Variants in ASTN2 observed in about 807,000 individuals in gnomAD.
ASTN2 encodes the protein astrotactin 2.
A neutral mutation model predicts 139.8 loss-of-function variants in ASTN2; 54 were observed. That is an observed-to-expected ratio of 0.39 (90% CI 0.31 to 0.48). The LOEUF (loss-of-function observed/expected upper bound fraction) is 0.48, where lower values mean the gene tolerates loss of function less well. Among genes scored for constraint, ASTN2 ranks in the 20% least tolerant of loss-of-function variants. The probability of loss-of-function intolerance (pLI) is 0.95; values close to 1 mark genes in which losing one functional copy is unlikely to be tolerated. For synonymous variants in ASTN2, 756 were observed against 719.5 expected (o/e 1.05, Z -0.81); for missense variants, 1,565 against 1,725.1 (o/e 0.91, Z 1.64).
chr9:116,720,024 C>T (rs960172556), intron 16 of ASTN2, among the ~76,000 whole-genome samples: 1 of 152,140 alleles, frequency 6.6e-6, no homozygotes, highest in Non-Finnish European at 1.5e-5. Context: ...CAAGTTCCCT[C>T]GGGAAACTGA....
chr9:116,711,726 C>T (rs1828167955), intron 16 of ASTN2, among the ~76,000 whole-genome samples: 1 of 152,144 alleles, frequency 6.6e-6, no homozygotes, highest in African/African-American at 2.4e-5. Context: ...AATCATTTTC[C>T]TCACCTTTCA....
intron 1 of ASTN2, among the ~76,000 whole-genome samples, chr9:117,407,832 C>T (rs1385452978): frequency 6.6e-6 from 1 of 152,208 alleles, no homozygotes; most frequent in Non-Finnish European, 1.5e-5. Flanking sequence ...AGCTCTCTCT[C>T]TCTCACTATA....
intron 17 of ASTN2, among the ~76,000 whole-genome samples, chr9:116,651,162 C>A (rs1857890632): frequency 6.6e-6 from 1 of 152,060 alleles, no homozygotes; most frequent in South Asian, 2.1e-4. Flanking sequence ...GGTAATCCAC[C>A]CGCCTTGGCC....
intron 11 of ASTN2, among the ~76,000 whole-genome samples, chr9:116,851,055 G>C (rs1382312437): frequency 6.6e-6 from 1 of 152,148 alleles, no homozygotes; most frequent in Non-Finnish European, 1.5e-5. Context: ...CTTAGTTGTT[G>C]AGCTCTGAAT....
intron 20 of ASTN2, among the ~76,000 whole-genome samples, chr9:116,445,490 C>T (rs1847959750): frequency 6.6e-6 from 1 of 152,104 alleles, no homozygotes; most frequent in South Asian, 2.1e-4. Flanking sequence ...TTTCATAGGC[C>T]ACTTATGTTC....
chr9:116,583,459 G>A (rs749333698), intron 19 of ASTN2: 4 of 151,778 alleles, frequency 2.6e-5, no homozygotes, highest in Non-Finnish European at 4.4e-5. Context: ...GCTCATCATC[G>A]AATACCCAGC....
chr9:117,412,856 C>T (rs1190506799), intron 1 of ASTN2, among the ~76,000 whole-genome samples: 3 of 152,186 alleles, frequency 2.0e-5, no homozygotes, highest in South Asian at 2.1e-4. Flanking sequence ...GAGGTTAGTC[C>T]GGCGGCGCTC....
intron 13 of ASTN2, among the ~76,000 whole-genome samples, chr9:116,805,327 T>G (rs575759990): frequency 6.6e-6 from 1 of 152,294 alleles, no homozygotes; most frequent in Non-Finnish European, 1.5e-5. Flanking sequence ...GACTGAAAGA[T>G]TAATTAATGT....
In ASTN2 at chr9:116,435,217, T is replaced by G. The variant is rs189334085; in HGVS notation, c.3782+5392A>C. 1.4e-3 allele frequency among the ~76,000 whole-genome samples: 213 copies of G among 152,252 alleles called. 1 individual carries two copies. The highest frequency in any genetic ancestry group is 7.3e-3 in the South Asian group (35 of 4,820). ...TTCATGTTACAAACAAGGTCCAGAA[T>G]GGGGATGGCTTGTGTCCAAGGTCAC... On this transcript the variant is annotated intron_variant, in intron 22 of 22. Coordinates refer to ENST00000313400, the MANE Select transcript of ASTN2 (RefSeq NM_001365068.1).
At chr9:116,768,735 T>C (rs952508710) in intron 13 of ASTN2, among the ~76,000 whole-genome samples, 1 of 152,220 alleles carries the variant, frequency 6.6e-6, no homozygotes, top group Admixed American at 6.5e-5. Context: ...AGGCACTGTC[T>C]GTGAGCTAGA....
intron 19 of ASTN2, among the ~76,000 whole-genome samples, chr9:116,605,907 C>A (rs1355845655): frequency 6.6e-6 from 1 of 152,098 alleles, no homozygotes; most frequent in African/African-American, 2.4e-5. Flanking sequence ...AACCAGAGCC[C>A]TAGTTCTAGC....
chr9:116,985,932 C>T (rs1476249841), intron 7 of ASTN2, among the ~76,000 whole-genome samples: 2 of 152,190 alleles, frequency 1.3e-5, no homozygotes, highest in Non-Finnish European at 2.9e-5. Flanking sequence ...GCAACCAAGG[C>T]CATTGGAGGC....
At chr9:117,282,628 G>A (rs963581143) in intron 2 of ASTN2, among the ~76,000 whole-genome samples, 6 of 149,624 alleles carry the variant, frequency 4.0e-5, no homozygotes, top group Non-Finnish European at 7.3e-5. Context: ...TGCTTTGGCC[G>A]ATAGAATGTG....
intron 10 of ASTN2, among the ~76,000 whole-genome samples, chr9:116,963,024 C>T (rs775065052): frequency 1.4e-4 from 22 of 152,154 alleles, no homozygotes; most frequent in Non-Finnish European, 3.1e-4. Context: ...TGTTAAGATT[C>T]GATCCATGAA....
chr9:117,222,600 C>T (rs906476651), intron 2 of ASTN2, among the ~76,000 whole-genome samples: 2 of 152,116 alleles, frequency 1.3e-5, no homozygotes, highest in Non-Finnish European at 2.9e-5. Context: ...ATTTACTTTA[C>T]CTGGAATGAT....
intron 22 of ASTN2, among the ~76,000 whole-genome samples, chr9:116,432,745 C>T (rs1302718989): frequency 6.6e-6 from 1 of 152,098 alleles, no homozygotes; most frequent in Non-Finnish European, 1.5e-5. Context: ...GCCTGGCCAA[C>T]ACGGTGAAGC....
intron 19 of ASTN2, among the ~76,000 whole-genome samples, chr9:116,575,582 A>G (rs1570197): frequency 0.16 from 24,574 of 152,170 alleles, 2,170 homozygotes; most frequent in African/African-American, 0.22. Flanking sequence ...TGTTATATTA[A>G]TATAAGGTCT....
intron 7 of ASTN2, among the ~76,000 whole-genome samples, chr9:116,977,556 T>G (rs1198577296): frequency 6.6e-6 from 1 of 152,128 alleles, no homozygotes; most frequent in Non-Finnish European, 1.5e-5. Context: ...GTATATTCTC[T>G]CATTGGCCAA....
At chr9:117,127,195 A>T (rs998073) in intron 4 of ASTN2, among the ~76,000 whole-genome samples, 3,864 of 152,222 alleles carry the variant, frequency 0.025, 153 homozygotes, top group African/African-American at 0.088. Flanking sequence ...AATTCTCTAG[A>T]TCTTGTGGAG....
Sources: allele counts gnomAD v4.1 joint callset (sites outside exome capture counted in the v4.1 genomes callset), GRCh38; gene constraint gnomAD v4.1.1; transcripts MANE v1.5; gene names NCBI Gene and HGNC (gene_info 2026-07-23, HGNC 2026-07-21).